MAOA: variants seen among roughly 807,000 people sequenced by gnomAD.
MAOA encodes monoamine oxidase A, also known as amine oxidase [flavin-containing] A.
A neutral mutation model predicts 42.0 loss-of-function variants in MAOA; 6 were observed. The observed-to-expected ratio is 0.14, with a 90% CI of 0.08 to 0.28. The LOEUF is 0.28. MAOA is among the 10% of genes least tolerant of loss of function. MAOA has a pLI of 1.00. For missense variants in MAOA, 262 were observed against 422.3 expected, an observed-to-expected ratio of 0.62 and a Z score of 3.33; for synonymous variants, 140 against 154.0, an observed-to-expected ratio of 0.91 and a Z score of 0.67.
At chrX:43,687,781 C>T (rs751325267) in intron 2 of MAOA, among the ~76,000 whole-genome samples, 3 of 112,360 alleles carry the variant, frequency 2.7e-5, no homozygotes, top group Admixed American at 9.4e-5. Flanking sequence ...ATGGCAACTT[C>T]GAAAAAACTC....
At chrX:43,675,919 T>G (rs1256075734) in intron 1 of MAOA, among the ~76,000 whole-genome samples, 1 of 112,329 alleles carries the variant, frequency 8.9e-6, no homozygotes, top group Non-Finnish European at 1.9e-5. Context: ...GGAGGCAGTC[T>G]GCCCATTCTC....
intron 1 of MAOA, among the ~76,000 whole-genome samples, chrX:43,675,789 C>T (rs1345312451): frequency 1.8e-5 from 2 of 111,779 alleles, no homozygotes; most frequent in African/African-American, 3.3e-5. Context: ...GCTGTCTGAT[C>T]GTTCCTCTGG....
At chrX:43,680,821 C>T (rs1328372306) in intron 1 of MAOA, among the ~76,000 whole-genome samples, 4 of 111,194 alleles carry the variant, frequency 3.6e-5, no homozygotes, top group Non-Finnish European at 7.6e-5. Context: ...TGAGGTTCAG[C>T]GCAAATAGGA....
At chrX:43,697,339 C>T (rs1484428952) in intron 3 of MAOA, among the ~76,000 whole-genome samples, 5 of 111,478 alleles carry the variant, frequency 4.5e-5, no homozygotes, top group Non-Finnish European at 9.4e-5. Context: ...TCCCCATATG[C>T]AGTGCTGGTG....
intron 3 of MAOA, among the ~76,000 whole-genome samples, chrX:43,693,780 TACAC>T (rs112883967): frequency 5.9e-5 from 6 of 102,446 alleles, no homozygotes; most frequent in Admixed American, 1.0e-4. Flanking sequence ...AACAGACATG[TACAC>T]ACACACACAC....
At chrX:43,660,230 A>T (rs1035711124) in intron 1 of MAOA, among the ~76,000 whole-genome samples, 7 of 111,305 alleles carry the variant, frequency 6.3e-5, no homozygotes, top group African/African-American at 2.3e-4. Context: ...CAGTTCCATC[A>T]ATGTTGTTGC....
rs959584651 is a variant in MAOA at position 43,714,648 on chromosome X, G to T, written c.503+1852G>T. The stretch of plus-strand genomic sequence containing the variant: ...TAGGAAGAGTGAATGGTGTGGCCTG[G>T]TTGCATCTTCCAGGAATGCCCCCAC... On this transcript the variant is annotated intron_variant, in intron 5 of 14. Coordinates refer to ENST00000338702, the MANE Select transcript of MAOA (RefSeq NM_000240.4). Among the ~76,000 whole-genome samples the T allele has an allele frequency of 2.1e-4, 23 of 109,423 alleles. 1 individual carries two copies. The highest frequency in any genetic ancestry group is 8.8e-4 in the Admixed American group (9 of 10,231).
upstream of MAOA, chrX:43,655,424 T>A (rs2033170098): frequency 8.9e-6 from 1 of 111,734 alleles, no homozygotes; most frequent in South Asian, 3.7e-4. Flanking sequence ...CAATCAGCAC[T>A]ACCGGTCTTA....
chrX:43,697,254 T>C (rs1280368957), intron 3 of MAOA, among the ~76,000 whole-genome samples: 2 of 112,323 alleles, frequency 1.8e-5, no homozygotes. Flanking sequence ...TCCAGGAAGC[T>C]GCCTTACAGT....
intron 1 of MAOA, among the ~76,000 whole-genome samples, chrX:43,669,869 G>T (rs1287256960): frequency 9.0e-6 from 1 of 111,619 alleles, no homozygotes; most frequent in African/African-American, 3.3e-5. Context: ...CAAATTCTGT[G>T]TACATCCTCA....
At chrX:43,676,415 A>C (rs2033397046) in intron 1 of MAOA, among the ~76,000 whole-genome samples, 4 of 110,937 alleles carry the variant, frequency 3.6e-5, no homozygotes, top group African/African-American at 1.3e-4. Context: ...GCAATGCTTC[A>C]CCCTACTTTG....
At chrX:43,689,472 CA>C (rs2033515854) in intron 2 of MAOA, among the ~76,000 whole-genome samples, 1 of 109,702 alleles carries the variant, frequency 9.1e-6, no homozygotes, top group African/African-American at 3.3e-5. Context: ...ATAGTCAGAC[CA>C]ATGTTTTTCA....
intron 1 of MAOA, among the ~76,000 whole-genome samples, chrX:43,680,455 T>A (rs777935501): frequency 4.5e-5 from 5 of 111,534 alleles, no homozygotes; most frequent in Non-Finnish European, 7.5e-5. Flanking sequence ...GTAGTATTAT[T>A]TAACATGTTC....
intron 5 of MAOA, among the ~76,000 whole-genome samples, chrX:43,723,070 A>G (rs1278169575): frequency 2.7e-5 from 3 of 111,794 alleles, no homozygotes; most frequent in East Asian, 5.6e-4. Context: ...TACCAGTACC[A>G]TGCTGTTTTG....
At chrX:43,684,639 G>A (rs565545227) in intron 2 of MAOA, among the ~76,000 whole-genome samples, 1 of 111,562 alleles carries the variant, frequency 9.0e-6, no homozygotes, top group South Asian at 3.8e-4. Flanking sequence ...CAAATAGAGT[G>A]TTAAAGACTA....
At chrX:43,721,883 C>T (rs1014129928) in intron 5 of MAOA, among the ~76,000 whole-genome samples, 46 of 110,410 alleles carry the variant, frequency 4.2e-4, no homozygotes, top group African/African-American at 1.5e-3. Context: ...TGTTCCCCTC[C>T]CTGTGTCCAT....
intron 1 of MAOA, among the ~76,000 whole-genome samples, chrX:43,682,300 A>G (rs2033450487): frequency 9.0e-6 from 1 of 111,448 alleles, no homozygotes; most frequent in Non-Finnish European, 1.9e-5. Flanking sequence ...CCAAAGCTCA[A>G]TGAAGAAATG....
intron 5 of MAOA, among the ~76,000 whole-genome samples, chrX:43,721,551 G>A (rs2033788834): frequency 9.0e-6 from 1 of 111,054 alleles, no homozygotes; most frequent in Non-Finnish European, 1.9e-5. Flanking sequence ...AGCCACCACT[G>A]CTATAGCCTG....
chrX:43,709,242 C>T (rs953321597), intron 3 of MAOA, among the ~76,000 whole-genome samples: 1 of 111,216 alleles, frequency 9.0e-6, no homozygotes, highest in Admixed American at 9.6e-5. Context: ...TTTACTTCTC[C>T]TGCCACCACT....
Sources: allele counts gnomAD v4.1 joint callset (sites outside exome capture counted in the v4.1 genomes callset), GRCh38; gene constraint gnomAD v4.1.1; transcripts MANE v1.5; gene names NCBI Gene and HGNC (gene_info 2026-07-23, HGNC 2026-07-21).